Variants in LRRC37A3 observed in about 807,000 individuals in gnomAD.
LRRC37A3 encodes the protein leucine-rich repeat-containing protein 37A3.
In LRRC37A3, 25 loss-of-function variants were observed where a neutral mutation model predicts 106.2. That is an observed-to-expected ratio of 0.24 (90% CI 0.17 to 0.33). LRRC37A3 has a LOEUF of 0.33. Among genes scored for constraint, LRRC37A3 ranks in the 10% least tolerant of loss-of-function variants. The pLI, the probability that LRRC37A3 is intolerant of heterozygous loss-of-function variation, is 1.00. For synonymous variants in LRRC37A3, 305 were observed against 635.8 expected, an observed-to-expected ratio of 0.48 and a Z score of 7.83; for missense variants, 712 against 1,644.9, an observed-to-expected ratio of 0.43 and a Z score of 9.81.
chr17:64,910,095 T>C (rs1167800286), intron 2 of LRRC37A3: 1 of 152,306 alleles, frequency 6.6e-6, no homozygotes, highest in Admixed American at 6.5e-5. Flanking sequence ...ACGGCACTCA[T>C]CATACCTTAG....
chr17:64,855,797 G>T (rs547563572), intron 14 of LRRC37A3, 43 bp downstream of exon 14: 2 of 1,609,418 alleles, frequency 1.2e-6, no homozygotes, highest in Admixed American at 1.7e-5. Context: ...GGGAAACTCC[G>T]TCTCAAAAGA....
At position 64,854,492 on chromosome 17, in the gene LRRC37A3, CT is replaced by C; in HGVS notation, c.*106del. On this transcript the variant is annotated 3_prime_UTR_variant, in exon 15 of 15. Coordinates refer to ENST00000584306, the MANE Select transcript of LRRC37A3 (RefSeq NM_199340.5). ...GATGGCCCTGTGCTTGCTCTGCCCG[CT>C]GCCTCTGTGGATGTGTGGGCCGCTG... 6.5e-7 allele frequency: 1 copy of C among 1,533,152 alleles called. No individual in the cohort carries two copies. The highest frequency in any genetic ancestry group is 1.4e-5 in the African/African-American group (1 of 72,828). The allele number at this position is 1,533,152 out of a possible 1,614,324, so 95.0% of individuals were successfully genotyped here.
intron 13 of LRRC37A3, among the ~76,000 whole-genome samples, chr17:64,856,915 T>C (rs1333377494): frequency 2.0e-5 from 3 of 151,220 alleles, no homozygotes; most frequent in Non-Finnish European, 2.9e-5. Flanking sequence ...AGCCCAGGAG[T>C]TTGATGTTAC....
chr17:64,859,133 G>A (rs1972779552), intron 12 of LRRC37A3, among the ~76,000 whole-genome samples: 1 of 151,920 alleles, frequency 6.6e-6, no homozygotes, highest in Non-Finnish European at 1.5e-5. Context: ...CTTATTTTTT[G>A]TGGAGACAGG....
rs374281064 is a variant in LRRC37A3, at chr17:64,917,829, G to A, written c.-496+921C>T. ...TGAAAATACCAAAAATTCGCCAGGCGTAGTGGCGGGCGCCTGTAATCCCAG... is the reference window on the plus strand; with the variant it reads ...TGAAAATACCAAAAATTCGCCAGGCATAGTGGCGGGCGCCTGTAATCCCAG... On this transcript the variant is annotated intron_variant, in intron 2 of 14. Transcript: ENST00000584306. 5.4e-4 allele frequency among the ~76,000 whole-genome samples: 79 copies of A among 145,482 alleles called. 1 individual carries two copies. The East Asian group carries it at 0.013, about 24-fold the overall frequency.
Position 64,897,300 on chromosome 17 carries a change from C to A in LRRC37A3, c.-43G>T, listed in dbSNP as rs1974156211. The A allele has an allele frequency of 1.2e-6, 2 of 1,609,614 alleles. No homozygotes were observed. The highest frequency in any genetic ancestry group is 1.7e-6 in the Non-Finnish European group (2 of 1,179,856). On this transcript the variant is annotated 5_prime_UTR_variant, in exon 4 of 15. Transcript: ENST00000584306. ...GCTCGTGCCCCTTGTAAGCATGAGT[C>A]CCGCCCTGTCTTTATGACACCTTTA...
intron 6 of LRRC37A3, among the ~76,000 whole-genome samples, chr17:64,888,362 C>T (rs1973886919): frequency 6.6e-6 from 1 of 151,902 alleles, no homozygotes; most frequent in Non-Finnish European, 1.5e-5. Flanking sequence ...TTTATCCCTC[C>T]TAGTGCCCAC....
intron 2 of LRRC37A3, chr17:64,909,466 G>A (rs1416034385): frequency 2.0e-5 from 3 of 152,112 alleles, no homozygotes; most frequent in Admixed American, 6.5e-5. Context: ...AACTGAAGTG[G>A]AGGTGCCACA....
intron 2 of LRRC37A3, among the ~76,000 whole-genome samples, chr17:64,908,767 C>T (rs562290389): frequency 3.4e-4 from 45 of 130,820 alleles, no homozygotes; most frequent in Middle Eastern, 3.6e-3. Flanking sequence ...ACAGAGACTC[C>T]GTCTCAAAAA....
In LRRC37A3 at chr17:64,874,381, G is replaced by A. The variant is rs537569715; in HGVS notation, c.2907-5215C>T. 1.6e-3 allele frequency among the ~76,000 whole-genome samples: 241 copies of A among 148,248 alleles called. 2 individuals carry two copies. Among genetic ancestry groups the A allele is most frequent in the Admixed American group, 0.014 (206 of 14,732 alleles). On this transcript the variant is annotated intron_variant, in intron 8 of 14. Coordinates refer to ENST00000584306, the MANE Select transcript of LRRC37A3 (RefSeq NM_199340.5). ...AGCCCCTACGCCCGGCAGCCGCCCCGTCTGAGAAGTGAGGAGCCCCTCCGC... is the reference window on the plus strand; with the variant it reads ...AGCCCCTACGCCCGGCAGCCGCCCCATCTGAGAAGTGAGGAGCCCCTCCGC...
At chr17:64,893,201 C>CAA (rs1340669086) in intron 4 of LRRC37A3, among the ~76,000 whole-genome samples, 1 of 65,120 alleles carries the variant, frequency 1.5e-5, no homozygotes, top group African/African-American at 1.0e-4. Flanking sequence ...CAATCCTCTG[C>CAA]ATGTCTACAC....
At chr17:64,875,930 C>T (rs1352727590) in intron 8 of LRRC37A3, among the ~76,000 whole-genome samples, 1 of 152,040 alleles carries the variant, frequency 6.6e-6, no homozygotes, top group Admixed American at 6.5e-5. Context: ...TTTAGAGAAG[C>T]AAAGTTTTTG....
intron 10 of LRRC37A3, among the ~76,000 whole-genome samples, chr17:64,868,033 C>T (rs942547905): frequency 1.3e-5 from 2 of 151,818 alleles, no homozygotes; most frequent in Non-Finnish European, 2.9e-5. Context: ...TAGGTCATGC[C>T]GCTGCACTGC....
chr17:64,856,578 T>C (rs560037434), intron 13 of LRRC37A3, among the ~76,000 whole-genome samples: 1 of 151,894 alleles, frequency 6.6e-6, no homozygotes, highest in East Asian at 1.9e-4. Context: ...TATTGTTTTT[T>C]TTTTCTTCAA....
At position 64,854,614 on chromosome 17, in the gene LRRC37A3, A is replaced by G; in HGVS notation, c.4890T>C (p.Ser1630=). 1.2e-6 allele frequency: 2 copies of G among 1,613,606 alleles called. No homozygotes were observed. Among genetic ancestry groups the G allele is most frequent in the Non-Finnish European group, 1.7e-6 (2 of 1,179,826 alleles). Residue 1630 remains serine (S), a synonymous_variant, in exon 15 of 15, where the codon AGT becomes AGC. Transcript: ENST00000584306. Reference sequence around the variant, plus strand: ...GGTTCTCCTCCTATGGCAGGGCTTCACTCTCCTCCTCCGTTGGGGCTTCGC... The same window carrying G: ...GGTTCTCCTCCTATGGCAGGGCTTCGCTCTCCTCCTCCGTTGGGGCTTCGC... ...RDSEAPTEEE[S]EALP is the part of the protein sequence containing the mutation.
In LRRC37A3 at chr17:64,860,438, C is replaced by A. The variant is rs527556036; in HGVS notation, c.3708G>T (p.Ser1236=). 3 of 1,613,782 alleles carry A rather than the reference C, an allele frequency of 1.9e-6. No individual in the cohort carries two copies. Among genetic ancestry groups the A allele is most frequent in the Non-Finnish European group, 2.5e-6 (3 of 1,179,866 alleles). Residue 1236 remains serine (S), a synonymous_variant, in exon 12 of 15, where the codon TCG becomes TCT. Coordinates refer to ENST00000584306, the MANE Select transcript of LRRC37A3 (RefSeq NM_199340.5). ...CTGCTGCCTTATGCTCTTGGGTGAACGAAGGCTTGGTGTAGACGGCGTTTC... is the reference window on the plus strand; with the variant it reads ...CTGCTGCCTTATGCTCTTGGGTGAAAGAAGGCTTGGTGTAGACGGCGTTTC... ...LAGNAVYTKP[S]FTQEHKAAVS...
Position 64,918,918 on chromosome 17 carries a change from T to C in LRRC37A3, c.-616-48A>G, listed in dbSNP as rs1974765245. On this transcript the variant is annotated intron_variant, in intron 1 of 14. Transcript: ENST00000584306. Reference sequence around the variant, plus strand: ...TGGGTGTGGCAGCGAGCACCTGTAGTGACTACACCACTTTGTTGACGGCCG... The same window carrying C: ...TGGGTGTGGCAGCGAGCACCTGTAGCGACTACACCACTTTGTTGACGGCCG... The C allele has an allele frequency of 8.1e-6, 6 of 740,560 alleles. No homozygotes were observed. In the South Asian group the frequency reaches 2.8e-4, roughly 35 times the overall value. The allele number at this position is 740,560 out of a possible 1,614,324, so 45.9% of individuals were successfully genotyped here.
At position 64,854,203 on chromosome 17, in the gene LRRC37A3, T is replaced by C. The variant is rs545138136; in HGVS notation, c.*396A>G. 1 of 294,122 alleles carries C rather than the reference T, an allele frequency of 3.4e-6. No individual in the cohort carries two copies. The highest frequency in any genetic ancestry group is 6.3e-6 in the Non-Finnish European group (1 of 158,568). The allele number at this position is 294,122 out of a possible 1,614,324, so 18.2% of individuals were successfully genotyped here. A position where few individuals can be genotyped will look rare whatever the true frequency, so the allele number is the denominator to read the frequency against. ...GCCCCCTACCAAGTCGGGATGAACA[T>C]TCATGCGTGTGCTTGAGGGCTTGGG... On this transcript the variant is annotated 3_prime_UTR_variant, in exon 15 of 15. Coordinates refer to ENST00000584306, the MANE Select transcript of LRRC37A3 (RefSeq NM_199340.5).
intron 2 of LRRC37A3, chr17:64,899,895 G>A (rs1198129853): frequency 6.6e-6 from 1 of 150,734 alleles, no homozygotes; most frequent in Non-Finnish European, 1.5e-5. Flanking sequence ...AAAAGCCCCG[G>A]AAATACCCTG....
Sources: allele counts gnomAD v4.1 joint callset (sites outside exome capture counted in the v4.1 genomes callset), GRCh38; gene constraint gnomAD v4.1.1; transcripts MANE v1.5; gene names NCBI Gene and HGNC (gene_info 2026-07-23, HGNC 2026-07-21).